Variants in IFT81 observed in about 807,000 individuals in gnomAD.
The protein encoded by IFT81 is intraflagellar transport 81, also known as intraflagellar transport protein 81 homolog.
IFT81 carries 72 observed loss-of-function variants against 102.6 expected under a neutral mutation model. The observed-to-expected ratio is 0.70, with a 90% CI of 0.58 to 0.85. IFT81 has a LOEUF of 0.85. Among genes scored for constraint, IFT81 ranks in the 40% least tolerant of loss-of-function variants. IFT81 has a pLI of 0.00. For synonymous variants in IFT81, 237 were observed against 242.7 expected (o/e 0.98, Z 0.22); for missense variants, 723 against 787.3 (o/e 0.92, Z 0.98).
chr12:110,187,884 T>G (rs906704496), intron 12 of IFT81, among the ~76,000 whole-genome samples: 3 of 152,200 alleles, frequency 2.0e-5, no homozygotes, highest in African/African-American at 7.2e-5. Context: ...GTCTTACTGC[T>G]AGGTTATAGA....
chr12:110,141,160 C>T (rs1894866450), intron 8 of IFT81, among the ~76,000 whole-genome samples: 1 of 151,986 alleles, frequency 6.6e-6, no homozygotes, highest in Non-Finnish European at 1.5e-5. Context: ...CTACAGCCTC[C>T]AGAGTAGCTG....
intron 10 of IFT81, among the ~76,000 whole-genome samples, chr12:110,149,863 G>A (rs751648588): frequency 2.0e-5 from 3 of 152,020 alleles, no homozygotes; most frequent in East Asian, 3.9e-4. Flanking sequence ...CTAGGGTCCC[G>A]GGGGTTTTTA....
intron 18 of IFT81, among the ~76,000 whole-genome samples, chr12:110,211,316 C>T (rs1869412850): frequency 6.6e-6 from 1 of 151,832 alleles, no homozygotes; most frequent in African/African-American, 2.4e-5. Context: ...CAGCGGACTA[C>T]AGGAGTGCTA....
At chr12:110,128,844 A>G in intron 3 of IFT81, 106 bp from the exon 4 acceptor site, 2 of 803,862 alleles carry the variant, frequency 2.5e-6, no homozygotes, top group Non-Finnish European at 3.9e-6. Flanking sequence ...AAAAAGTTAC[A>G]GAAAGCAATT....
chr12:110,144,225 GT>G (rs1405030928), intron 9 of IFT81, among the ~76,000 whole-genome samples: 2 of 146,394 alleles, frequency 1.4e-5, no homozygotes, highest in African/African-American at 2.5e-5. Flanking sequence ...TTTGTTTTTT[GT>G]TTTTTTTTGA....
chr12:110,137,348 CAACA>C (rs1425067925), intron 8 of IFT81, among the ~76,000 whole-genome samples: 2 of 151,224 alleles, frequency 1.3e-5, no homozygotes, highest in African/African-American at 2.4e-5. Context: ...TTAACAGCAA[CAACA>C]AACAATTCCT....
intron 9 of IFT81, among the ~76,000 whole-genome samples, chr12:110,144,788 G>A (rs921828804): frequency 6.6e-6 from 1 of 151,744 alleles, no homozygotes; most frequent in African/African-American, 2.4e-5. Flanking sequence ...GGGATTACAG[G>A]TGTGAGCCAC....
At chr12:110,137,702 C>T (rs1474043990) in intron 8 of IFT81, among the ~76,000 whole-genome samples, 2 of 151,324 alleles carry the variant, frequency 1.3e-5, no homozygotes, top group Non-Finnish European at 2.9e-5. Flanking sequence ...CGCCATTGTA[C>T]TGCAGCCTGG....
chr12:110,129,115 T>A lies in IFT81; in HGVS notation c.414T>A (p.Ala138=). 6.3e-7 allele frequency: 1 copy of A among 1,597,622 alleles called. No individual in the cohort carries two copies. The change falls in exon 4 of 19, where the codon GCT becomes GCA. Residue 138 remains alanine (A), a synonymous_variant. Transcript: ENST00000242591. ...AGTTTCTTCAGGATGAAACTGTGGC[T>A]GACACCAATAAACAGGTAAACAATA... The part of the protein sequence containing the change: ...PSEFLQDETV[A]DTNKQYEELM...
At chr12:110,204,070 C>T (rs1593371124) in intron 15 of IFT81, 120 bp downstream of exon 15, 2 of 648,670 alleles carry the variant, frequency 3.1e-6, no homozygotes, top group East Asian at 5.6e-5. Context: ...TTTGAGGCTA[C>T]AGTGAGCTAT....
At chr12:110,153,567 A>G (rs562157206) in intron 10 of IFT81, among the ~76,000 whole-genome samples, 37 of 147,822 alleles carry the variant, frequency 2.5e-4, no homozygotes, top group Middle Eastern at 3.7e-3. Flanking sequence ...TGTTGGGTGG[A>G]ATTCACCAGT....
Position 110,198,755 on chromosome 12 carries a change from A to T in IFT81, c.1558-5109A>T, listed in dbSNP as rs79519310. Among the ~76,000 whole-genome samples the T allele has an allele frequency of 7.0e-3, 1,042 of 149,796 alleles. 1 individual carries two copies. Among genetic ancestry groups the T allele is most frequent in the Non-Finnish European group, 9.5e-3 (642 of 67,528 alleles). ...TGTTTATTTCATCCACTTAATTTTTAATTTCAATGACTGTCTTTTTCATTT... is the reference window on the plus strand; with the variant it reads ...TGTTTATTTCATCCACTTAATTTTTTATTTCAATGACTGTCTTTTTCATTT... On this transcript the variant is annotated intron_variant, in intron 14 of 18. Transcript: ENST00000242591.
rs547209165 is a variant in IFT81, at chr12:110,190,961, C to T, written c.1380C>T (p.Tyr460=). ...EEKKGISGYS[Y]TQEELERVSA... Reference sequence around the variant, plus strand: ...AAAAGGGTATATCTGGATATAGTTACACCCAAGAAGAGCTAGAAAGAGTAT... The same window carrying T: ...AAAAGGGTATATCTGGATATAGTTATACCCAAGAAGAGCTAGAAAGAGTAT... The change falls in exon 13 of 19, where the codon TAC becomes TAT. Residue 460 remains tyrosine, a synonymous_variant. Transcript: ENST00000242591. 1.9e-6 allele frequency: 3 copies of T among 1,603,658 alleles called. No homozygotes were observed. Among genetic ancestry groups the T allele is most frequent in the South Asian group, 1.1e-5 (1 of 88,896 alleles).
intron 4 of IFT81, 60 bp from the exon 5 acceptor site, chr12:110,132,487 A>G: frequency 1.3e-6 from 1 of 764,838 alleles, no homozygotes; most frequent in East Asian, 2.9e-5. Context: ...AAAGAAAGAA[A>G]GAAAGAAAAC....
intron 13 of IFT81, 104 bp from the exon 14 acceptor site, chr12:110,192,513 T>C (rs1028477511): frequency 8.1e-6 from 5 of 616,436 alleles, no homozygotes; most frequent in Non-Finnish European, 1.4e-5. Context: ...AATTTGCAGT[T>C]TTTTGCTCTT....
chr12:110,163,589 C>G (rs1054440697), intron 11 of IFT81, among the ~76,000 whole-genome samples: 2 of 148,338 alleles, frequency 1.3e-5, no homozygotes, highest in South Asian at 4.3e-4. Flanking sequence ...AATGATTTTA[C>G]GAGATATTAT....
chr12:110,215,233 G>A (rs1869925809), intron 18 of IFT81, among the ~76,000 whole-genome samples: 1 of 151,498 alleles, frequency 6.6e-6, no homozygotes, highest in Admixed American at 6.6e-5. Context: ...AAAGGATGAG[G>A]TTGTTCCTTT....
At chr12:110,129,270 C>A in intron 4 of IFT81, 140 bp downstream of exon 4, 1 of 578,786 alleles carries the variant, frequency 1.7e-6, no homozygotes, top group East Asian at 3.4e-5. Flanking sequence ...AGCTAATGTT[C>A]AACTATGGCC....
At position 110,209,094 on chromosome 12, in the gene IFT81, A is replaced by G. The variant is rs1366898968; in HGVS notation, c.1803-77A>G. 7.9e-6 allele frequency: 6 copies of G among 762,312 alleles called. No individual in the cohort carries two copies. The Admixed American group carries it at 1.1e-4, about 15-fold the overall frequency. 47.2% of individuals were successfully genotyped at this position (762,312 alleles called of 1,614,324 possible). ...ATTGCCTAGTGTATTTTAGATAGAT[A>G]TATTAATTTATAATTCACTTGTATG... On this transcript the variant is annotated intron_variant, in intron 17 of 18. Coordinates refer to ENST00000242591, the MANE Select transcript of IFT81 (RefSeq NM_014055.4).
Sources: allele counts gnomAD v4.1 joint callset (sites outside exome capture counted in the v4.1 genomes callset), GRCh38; gene constraint gnomAD v4.1.1; transcripts MANE v1.5; gene names NCBI Gene and HGNC (gene_info 2026-07-23, HGNC 2026-07-21).